The following PLEKHH1 variants were observed in gnomAD, a reference collection of about 807,000 sequenced individuals.
PLEKHH1 encodes pleckstrin homology domain-containing family H member 1.
A neutral mutation model predicts 160.0 loss-of-function variants in PLEKHH1; 104 were observed. That is an observed-to-expected ratio of 0.65 (90% confidence interval 0.55 to 0.76). The LOEUF is 0.76. Ranked by LOEUF, PLEKHH1 falls within the 30% of genes least tolerant of loss-of-function variation. PLEKHH1 has a pLI of 0.00. For missense variants in PLEKHH1, 1,427 were observed against 1,724.1 expected, an observed-to-expected ratio of 0.83 and a Z score of 3.05; for synonymous variants, 619 against 678.4, an observed-to-expected ratio of 0.91 and a Z score of 1.36.
chr14:67,579,029 C>T lies in PLEKHH1; in HGVS notation c.2850-105C>T, dbSNP rs544277647. 2.1e-5 allele frequency: 16 copies of T among 752,802 alleles called. No homozygotes were observed. In the African/African-American group the frequency reaches 2.8e-4, roughly 13 times the overall value. The allele number at this position is 752,802 out of a possible 1,614,324, so 46.6% of individuals were successfully genotyped here. On this transcript the variant is annotated intron_variant, in intron 20 of 28. Coordinates refer to ENST00000329153, the MANE Select transcript of PLEKHH1 (RefSeq NM_020715.3). ...TCTTCAGGGCTTTTCTCACAACCTG[C>T]CCCAGCTACAGTTTTGGTCCTGGCT... is the stretch of plus-strand genomic sequence containing the variant.
chr14:67,546,780 C>G (rs982936698), intron 2 of PLEKHH1, among the ~76,000 whole-genome samples: 3 of 152,148 alleles, frequency 2.0e-5, no homozygotes, highest in African/African-American at 7.2e-5. Flanking sequence ...GTAGGAGGAT[C>G]GCTTGAGCCA....
chr14:67,564,278 T>C (rs986424414), intron 7 of PLEKHH1, among the ~76,000 whole-genome samples: 7 of 152,144 alleles, frequency 4.6e-5, no homozygotes, highest in Admixed American at 4.6e-4. Context: ...GCTGGGATTA[T>C]AGGCAACTGC....
chr14:67,577,088 C>T (rs1423936668), intron 17 of PLEKHH1, among the ~76,000 whole-genome samples: 1 of 152,216 alleles, frequency 6.6e-6, no homozygotes, highest in Non-Finnish European at 1.5e-5. Context: ...ACCCCTACTG[C>T]CATTCCACGA....
intron 1 of PLEKHH1, among the ~76,000 whole-genome samples, chr14:67,540,350 G>T (rs2033914229): frequency 1.3e-5 from 2 of 152,196 alleles, no homozygotes; most frequent in Non-Finnish European, 2.9e-5. Context: ...TATCGGCCGG[G>T]TACAGTGGCT....
intron 1 of PLEKHH1, among the ~76,000 whole-genome samples, chr14:67,541,317 A>G (rs2033955536): frequency 2.6e-5 from 4 of 152,176 alleles, no homozygotes; most frequent in Admixed American, 2.6e-4. Context: ...CCTTCCCTAA[A>G]CACATCCCTC....
chr14:67,570,930 G>T (rs1311187719), intron 9 of PLEKHH1: 3 of 152,054 alleles, frequency 2.0e-5, no homozygotes, highest in Non-Finnish European at 2.9e-5. Flanking sequence ...CACCATGTTG[G>T]CCAGGATGGT....
In PLEKHH1 at chr14:67,579,889, C is replaced by T. The variant is rs1298247971; in HGVS notation, c.3183+13C>T. 1 of 1,586,048 alleles carries T rather than the reference C, an allele frequency of 6.3e-7. No individual in the cohort carries two copies. Among genetic ancestry groups the T allele is most frequent in the Non-Finnish European group, 8.6e-7 (1 of 1,165,984 alleles). ...GGGAAGTGTCAAGGTGACAGCCTCC[C>T]ACTAAGCCAGCTGAGCCCCTCCCTG... On this transcript the variant is annotated intron_variant, in intron 22 of 28. Coordinates refer to ENST00000329153, the MANE Select transcript of PLEKHH1 (RefSeq NM_020715.3).
intron 14 of PLEKHH1, among the ~76,000 whole-genome samples, chr14:67,575,139 G>C (rs1170777823): frequency 6.6e-6 from 1 of 152,118 alleles, no homozygotes; most frequent in East Asian, 1.9e-4. Flanking sequence ...GCCTGGAGGG[G>C]ACATCTGATT....
intron 11 of PLEKHH1, 123 bp downstream of exon 11, chr14:67,572,400 G>A (rs2035431845): frequency 4.4e-6 from 3 of 674,470 alleles, no homozygotes; most frequent in Non-Finnish European, 7.0e-6. Flanking sequence ...TGGGGGATGG[G>A]GGCAGGGGGC....
chr14:67,572,832 C>CT (rs2035454039), intron 11 of PLEKHH1, among the ~76,000 whole-genome samples: 1 of 152,226 alleles, frequency 6.6e-6, no homozygotes, highest in Non-Finnish European at 1.5e-5. Flanking sequence ...CCCTCCAGTC[C>CT]TGCCTGGCTG....
At chr14:67,580,913 G>T in intron 22 of PLEKHH1, 25 bp from the exon 23 acceptor site, 1 of 1,509,420 alleles carries the variant, frequency 6.6e-7, no homozygotes. Flanking sequence ...GAAATTTTCT[G>T]ACTTTCTTCT....
intron 1 of PLEKHH1, among the ~76,000 whole-genome samples, chr14:67,534,661 T>G (rs375425836): frequency 3.3e-5 from 5 of 152,270 alleles, no homozygotes; most frequent in African/African-American, 1.2e-4. Flanking sequence ...GTTGGGCAAT[T>G]GTGGGGTGCA....
rs116087858 is a variant in PLEKHH1, at chr14:67,546,738, G to A, written c.126+4745G>A. ...TTATTCTCATCAGGCATGGTGATGCGTGCCTGTAGTCCCAGTGACTTAGAG... is the reference window on the plus strand; with the variant it reads ...TTATTCTCATCAGGCATGGTGATGCATGCCTGTAGTCCCAGTGACTTAGAG... On this transcript the variant is annotated intron_variant, in intron 2 of 28. Coordinates refer to ENST00000329153, the MANE Select transcript of PLEKHH1 (RefSeq NM_020715.3). Among the ~76,000 whole-genome samples, 649 of 152,260 alleles carry A rather than the reference G, an allele frequency of 4.3e-3. 4 individuals carry two copies. Among genetic ancestry groups the A allele is most frequent in the African/African-American group, 0.014 (602 of 41,536 alleles).
chr14:67,559,292 C>T (rs577194463), intron 4 of PLEKHH1, among the ~76,000 whole-genome samples: 1 of 152,218 alleles, frequency 6.6e-6, no homozygotes, highest in East Asian at 1.9e-4. Flanking sequence ...CCTCTCTCTC[C>T]CTCCCCAGTC....
At chr14:67,561,603 C>T (rs1220519692) in intron 5 of PLEKHH1, among the ~76,000 whole-genome samples, 1 of 152,092 alleles carries the variant, frequency 6.6e-6, no homozygotes, top group African/African-American at 2.4e-5. Flanking sequence ...CTCAGTGGCA[C>T]ATGCCTGTAA....
intron 1 of PLEKHH1, among the ~76,000 whole-genome samples, chr14:67,538,364 C>G (rs2033826682): frequency 6.6e-6 from 1 of 152,220 alleles, no homozygotes; most frequent in Non-Finnish European, 1.5e-5. Flanking sequence ...GATGAGTTTT[C>G]TCATCTGTTC....
rs3809389 is a variant in PLEKHH1, at chr14:67,582,047, T to C, written c.3285-22T>C. 0.023 allele frequency: 36,740 copies of C among 1,598,914 alleles called. 1,374 individuals are homozygous for C. Among genetic ancestry groups the C allele is most frequent in the East Asian group, 0.13 (5,644 of 44,574 alleles). On this transcript the variant is annotated intron_variant, in intron 23 of 28. Transcript: ENST00000329153. The surrounding 1 kb of genome is among the most constrained non-coding windows in gnomAD (Gnocchi z 5.0). ...GTTTGGAATCCCTGCTGAGTCCTGG[T>C]TTCTTATTCTCTTCTTTGTAGGCTG...
Position 67,562,404 on chromosome 14 carries a change from A to T in PLEKHH1, c.773A>T (p.His258Leu). ...ETVEAKPLQP[H>L]LGRESPPHQP... is the part of the protein sequence containing the mutation. Reference sequence around the variant, plus strand: ...GTAGAGGCCAAGCCCCTTCAACCTCATCTGGGAAGAGAGAGCCCTCCCCAC... The same window carrying T: ...GTAGAGGCCAAGCCCCTTCAACCTCTTCTGGGAAGAGAGAGCCCTCCCCAC... The change falls in exon 7 of 29, where the codon CAT becomes CTT. Residue 258 changes from histidine to leucine, a missense_variant. This residue lies in a region of PLEKHH1 where 831 missense variants were observed against 929.2 expected (regional missense o/e 0.89). Coordinates refer to ENST00000329153, the MANE Select transcript of PLEKHH1 (RefSeq NM_020715.3). The T allele has an allele frequency of 6.2e-7, 1 of 1,613,866 alleles. No individual in the cohort carries two copies. Among genetic ancestry groups the T allele is most frequent in the East Asian group, 2.2e-5 (1 of 44,872 alleles).
At chr14:67,567,014 A>G (rs1266592638) in intron 7 of PLEKHH1, among the ~76,000 whole-genome samples, 2 of 152,080 alleles carry the variant, frequency 1.3e-5, no homozygotes, top group South Asian at 2.1e-4. Context: ...GGCCCCAAGG[A>G]CCCAAGAATC....
Sources: gnomAD v4.1 joint callset for allele counts (sites outside exome capture counted in the v4.1 genomes callset) on GRCh38, gnomAD v4.1.1 for gene constraint, gnomAD v4.1.1 regional missense constraint, Gnocchi (gnomAD v3.1) non-coding constraint, MANE v1.5 for transcripts, NCBI Gene and HGNC (gene_info 2026-07-23, HGNC 2026-07-21) for gene names.